The following TMEM108 variants were observed in gnomAD, a reference collection of about 807,000 sequenced individuals.
TMEM108 encodes the protein transmembrane protein 108, also known as cancer/testis antigen 124.
In TMEM108, 12 loss-of-function variants were observed where a neutral mutation model predicts 35.1. The observed-to-expected ratio is 0.34, with a 90% CI of 0.22 to 0.55. The LOEUF (loss-of-function observed/expected upper bound fraction) is 0.55. TMEM108 is among the 20% of genes least tolerant of loss of function. The pLI, the probability that TMEM108 is intolerant of heterozygous loss-of-function variation, is 0.89. For missense variants in TMEM108, 680 were observed against 753.3 expected (o/e 0.90, Z 1.14); for synonymous variants, 287 against 308.6 (o/e 0.93, Z 0.73).
intron 3 of TMEM108, among the ~76,000 whole-genome samples, chr3:133,312,284 T>A (rs913169230): frequency 3.3e-5 from 5 of 152,258 alleles, no homozygotes; most frequent in African/African-American, 1.2e-4. Context: ...GACAGGGATG[T>A]TTAAGTCTGC....
chr3:133,272,846 G>C (rs1946791880), intron 3 of TMEM108, among the ~76,000 whole-genome samples: 1 of 152,128 alleles, frequency 6.6e-6, no homozygotes, highest in African/African-American at 2.4e-5. Context: ...ATTTTTGGCT[G>C]TCACAATGAC....
Position 133,299,792 on chromosome 3 carries a change from TCTC to T in TMEM108, c.40+70444_40+70446del, listed in dbSNP as rs1191968863. ...CACTCTTCTGGCAGAGGGACGTTCT[TCTC>T]CTGGACCATCCCAGTTTTAACAATC... On this transcript the variant is annotated intron_variant, in intron 3 of 5. Transcript: ENST00000321871. Among the ~76,000 whole-genome samples, 13 of 152,266 alleles carry T rather than the reference TCTC, an allele frequency of 8.5e-5. No individual in the cohort carries two copies. In the East Asian group the frequency reaches 2.5e-3, roughly 29 times the overall value.
chr3:133,124,463 CTG>C (rs1385973108), intron 2 of TMEM108, among the ~76,000 whole-genome samples: 2 of 152,176 alleles, frequency 1.3e-5, no homozygotes, highest in African/African-American at 2.4e-5. Context: ...TCAGAGCTGT[CTG>C]TTCATGCCAT....
At chr3:133,158,625 G>A (rs1944916692) in intron 2 of TMEM108, among the ~76,000 whole-genome samples, 2 of 152,112 alleles carry the variant, frequency 1.3e-5, no homozygotes, top group African/African-American at 4.8e-5. Flanking sequence ...ATTCTGCCAT[G>A]CATAGTGAAG....
chr3:133,240,489 G>A (rs10446321), intron 3 of TMEM108, among the ~76,000 whole-genome samples: 5,974 of 152,322 alleles, frequency 0.039, 174 homozygotes, highest in Non-Finnish European at 0.063. Flanking sequence ...ATGAATTTAA[G>A]TACATTCCAT....
chr3:133,155,042 T>C (rs564483914), intron 2 of TMEM108, among the ~76,000 whole-genome samples: 3 of 152,246 alleles, frequency 2.0e-5, no homozygotes, highest in East Asian at 3.9e-4. Context: ...CAGTGTCTGT[T>C]GTTCCCCTCT....
intron 5 of TMEM108, among the ~76,000 whole-genome samples, chr3:133,393,212 A>G (rs2073258915): frequency 6.6e-6 from 1 of 152,220 alleles, no homozygotes. Context: ...GTCTCTGTTC[A>G]AATGCCACCT....
At chr3:133,055,211 T>C (rs1351413733) in intron 2 of TMEM108, among the ~76,000 whole-genome samples, 1 of 152,228 alleles carries the variant, frequency 6.6e-6, no homozygotes, top group African/African-American at 2.4e-5. Context: ...CAGGAAGATT[T>C]GTATGTAGAT....
intron 2 of TMEM108, among the ~76,000 whole-genome samples, chr3:133,050,975 C>T (rs573439396): frequency 9.5e-4 from 125 of 131,438 alleles, no homozygotes; most frequent in Non-Finnish European, 1.6e-3. Flanking sequence ...AATCTGTGTG[C>T]GAGTTTTTTT....
At chr3:133,130,855 G>A (rs1184358337) in intron 2 of TMEM108, among the ~76,000 whole-genome samples, 2 of 152,124 alleles carry the variant, frequency 1.3e-5, no homozygotes, top group Non-Finnish European at 1.5e-5. Context: ...CATTAAAATG[G>A]AATATAATCT....
intron 5 of TMEM108, among the ~76,000 whole-genome samples, chr3:133,393,952 C>A (rs142918633): frequency 6.6e-6 from 1 of 152,188 alleles, no homozygotes; most frequent in Non-Finnish European, 1.5e-5. Flanking sequence ...ACCAGGAGGG[C>A]GCCATAGGAC....
intron 2 of TMEM108, among the ~76,000 whole-genome samples, chr3:133,142,570 C>G (rs372334819): frequency 4.6e-5 from 7 of 152,278 alleles, no homozygotes; most frequent in African/African-American, 1.7e-4. Context: ...ACACTCCACA[C>G]TCCACATGTC....
intron 2 of TMEM108, among the ~76,000 whole-genome samples, chr3:133,151,983 G>A (rs1464441533): frequency 6.6e-6 from 1 of 152,114 alleles, no homozygotes; most frequent in Non-Finnish European, 1.5e-5. Context: ...ATATGCTACT[G>A]TATGCATCTA....
intron 3 of TMEM108, among the ~76,000 whole-genome samples, chr3:133,351,438 G>A (rs2071994676): frequency 6.6e-6 from 1 of 152,010 alleles, no homozygotes; most frequent in Non-Finnish European, 1.5e-5. Flanking sequence ...TTGTTTGCCG[G>A]TTTTAAAAAG....
At chr3:133,368,491 G>A (rs1000775388) in intron 3 of TMEM108, among the ~76,000 whole-genome samples, 2 of 152,156 alleles carry the variant, frequency 1.3e-5, no homozygotes, top group African/African-American at 4.8e-5. Context: ...GGAATGAGAG[G>A]GTCTCTGCAG....
chr3:133,374,061 A>G (rs1301955684), intron 3 of TMEM108, among the ~76,000 whole-genome samples: 2 of 152,202 alleles, frequency 1.3e-5, no homozygotes, highest in Non-Finnish European at 2.9e-5. Flanking sequence ...AGGGAACTGG[A>G]GTTCTTACGG....
At chr3:133,178,754 G>C (rs1448776722) in intron 2 of TMEM108, among the ~76,000 whole-genome samples, 1 of 152,152 alleles carries the variant, frequency 6.6e-6, no homozygotes, top group Non-Finnish European at 1.5e-5. Context: ...CATGGGCAAG[G>C]ACTTCATGTC....
chr3:133,283,686 C>A (rs1433527944), intron 3 of TMEM108, among the ~76,000 whole-genome samples: 3 of 152,184 alleles, frequency 2.0e-5, no homozygotes, highest in Non-Finnish European at 4.4e-5. Flanking sequence ...TAATTTCTTA[C>A]ACCTTCAGCA....
chr3:133,212,381 C>A (rs1945844743), intron 2 of TMEM108, among the ~76,000 whole-genome samples: 1 of 152,000 alleles, frequency 6.6e-6, no homozygotes, highest in South Asian at 2.1e-4. Flanking sequence ...TGGTGTGAGT[C>A]AAAAAACCAC....
Sources: gnomAD v4.1 joint callset for allele counts (sites outside exome capture counted in the v4.1 genomes callset) on GRCh38, gnomAD v4.1.1 for gene constraint, MANE v1.5 for transcripts, NCBI Gene and HGNC (gene_info 2026-07-23, HGNC 2026-07-21) for gene names.